The following APOBEC3H variants were observed in gnomAD, a reference collection of about 807,000 sequenced individuals.
APOBEC3H encodes DNA dC->dU-editing enzyme APOBEC-3H.
Under a neutral mutation model 21.2 loss-of-function variants are expected in APOBEC3H, and 8 were observed. That is an observed-to-expected ratio of 0.38 (90% confidence interval 0.22 to 0.68). APOBEC3H has a LOEUF of 0.68. APOBEC3H is among the 30% of genes least tolerant of loss of function. The pLI is 0.52. For synonymous variants in APOBEC3H, 88 were observed against 91.0 expected (o/e 0.97, Z 0.19); for missense variants, 229 against 228.1 (o/e 1.00, Z -0.03).
chr22:39,099,631 T>G (rs1020385300), intron 1 of APOBEC3H, among the ~76,000 whole-genome samples: 27 of 152,106 alleles, frequency 1.8e-4, no homozygotes, highest in Admixed American at 6.5e-5. Flanking sequence ...AGGCAGGGGA[T>G]CCCCACCCAA....
At chr22:39,098,281 G>T (rs1421403227) in intron 1 of APOBEC3H, among the ~76,000 whole-genome samples, 3 of 152,168 alleles carry the variant, frequency 2.0e-5, no homozygotes, top group African/African-American at 4.8e-5. Context: ...GTCTCAGTCT[G>T]TTGCCCAGGC....
chr22:39,102,368 TA>T (rs139304), intron 4 of APOBEC3H: 643,747 of 643,750 alleles, frequency 1, 321,872 homozygotes, highest in Middle Eastern at 1. Flanking sequence ...AGGCTGGTCT[TA>T]GAACTCTTGG....
At position 39,100,336 on chromosome 22, in the gene APOBEC3H, A is replaced by C. The variant is rs139620128; in HGVS notation, c.58A>C (p.Arg20=). The stretch of plus-strand genomic sequence containing the variant: ...ACAGTTTAACAACAAGCGCCGCCTC[A>C]GAAGGCCTTACTACCCGAGGAAGGC... ...RLQFNNKRRL[R]RPYYPRKALL... is the part of the protein sequence containing the mutation. Residue 20 remains arginine, a synonymous_variant, in exon 2 of 5, where the codon AGA becomes CGA. Transcript: ENST00000442487. 56 of 1,614,094 alleles carry C rather than the reference A, an allele frequency of 3.5e-5. No homozygotes were observed. In the African/African-American group the frequency reaches 7.1e-4, roughly 20 times the overall value.
chr22:39,103,158 T>C (rs1929469776), intron 4 of APOBEC3H, among the ~76,000 whole-genome samples: 1 of 151,644 alleles, frequency 6.6e-6, no homozygotes, highest in African/African-American at 2.4e-5. Context: ...CATGGTGGCA[T>C]GTGCCCGTGG....
rs1297117087 is a variant in APOBEC3H, at chr22:39,102,659, G to T, written c.543+617G>T. 8.6e-6 allele frequency: 6 copies of T among 694,982 alleles called. No individual in the cohort carries two copies. In the Admixed American group the frequency reaches 1.2e-4, roughly 14 times the overall value. The allele number at this position is 694,982 out of a possible 1,614,324, so 43.1% of individuals were successfully genotyped here. A position where few individuals can be genotyped will look rare whatever the true frequency, so the allele number is the denominator to read the frequency against. On this transcript the variant is annotated intron_variant, in intron 4 of 4. Transcript: ENST00000442487. Reference sequence around the variant, plus strand: ...ACCCTCTCTTCTTTTGGAGTCTCCAGCGTCTATTATTTACATCTTTATGTC... The same window carrying T: ...ACCCTCTCTTCTTTTGGAGTCTCCATCGTCTATTATTTACATCTTTATGTC...
chr22:39,103,793 G>T lies in APOBEC3H; in HGVS notation c.*96G>T. On this transcript the variant is annotated 3_prime_UTR_variant, in exon 5 of 5. Transcript: ENST00000442487. Reference sequence around the variant, plus strand: ...GCAACTCAAGATGACTTTCCCTGGGGCATGTCAGTTGCCTCATAGCCTGCT... The same window carrying T: ...GCAACTCAAGATGACTTTCCCTGGGTCATGTCAGTTGCCTCATAGCCTGCT... 1.3e-6 allele frequency: 2 copies of T among 1,499,640 alleles called. No individual in the cohort carries two copies. Among genetic ancestry groups the T allele is most frequent in the Admixed American group, 3.3e-5 (2 of 59,868 alleles). 92.9% of individuals were successfully genotyped at this position (1,499,640 alleles called of 1,614,324 possible). A position where few individuals can be genotyped will look rare whatever the true frequency, so the allele number is the denominator to read the frequency against.
In APOBEC3H at chr22:39,103,919, G is replaced by C; in HGVS notation, c.*222G>C. 1.7e-6 allele frequency: 1 copy of C among 590,862 alleles called. No homozygotes were observed. The allele number at this position is 590,862 out of a possible 1,614,324, so 36.6% of individuals were successfully genotyped here. A position where few individuals can be genotyped will look rare whatever the true frequency, so the allele number is the denominator to read the frequency against. On this transcript the variant is annotated 3_prime_UTR_variant, in exon 5 of 5. Transcript: ENST00000442487. The stretch of plus-strand genomic sequence containing the variant: ...CTTCCTTTCCTCCTTTTTCCATATT[G>C]CTTTCTGTTCTAAGTGGGTGAATAA...
rs746567012 is a variant in APOBEC3H, at chr22:39,101,408, G to A, written c.322G>A (p.Ala108Thr). 2.1e-5 allele frequency: 34 copies of A among 1,611,306 alleles called. No individual in the cohort carries two copies. The highest frequency in any genetic ancestry group is 2.7e-5 in the Non-Finnish European group (32 of 1,179,250). Reference protein sequence around the residue: ...AHDHLNLGIFASRLYYHWCKP... With the variant: ...AHDHLNLGIFTSRLYYHWCKP... Reference sequence around the variant, plus strand: ...CGACCATCTGAACCTGGGCATCTTCGCCTCCCGCCTGTACTACCACTGGTG... The same window carrying A: ...CGACCATCTGAACCTGGGCATCTTCACCTCCCGCCTGTACTACCACTGGTG... The change falls in exon 3 of 5, where the codon GCC becomes ACC. Residue 108 changes from alanine to threonine, a missense_variant. Coordinates refer to ENST00000442487, the MANE Select transcript of APOBEC3H (RefSeq NM_181773.5).
At chr22:39,097,563 C>G (rs916658600) in intron 1 of APOBEC3H, among the ~76,000 whole-genome samples, 1 of 152,196 alleles carries the variant, frequency 6.6e-6, no homozygotes, top group African/African-American at 2.4e-5. Context: ...CTGCACCAGC[C>G]CAAGACCCCT....
chr22:39,102,418 G>A, intron 4 of APOBEC3H: 1 of 704,654 alleles, frequency 1.4e-6, no homozygotes, highest in Non-Finnish European at 2.6e-6. Flanking sequence ...CCAAAGTGCT[G>A]GGATTACAGG....
Position 39,103,714 on chromosome 22 carries a change from A to C in APOBEC3H, c.*17A>C. ...CAGTCCTGAAGTGTGGATGTTTTAG[A>C]GAATGACTTAAGAAGTTTGCAGCTT... On this transcript the variant is annotated 3_prime_UTR_variant, in exon 5 of 5. Coordinates refer to ENST00000442487, the MANE Select transcript of APOBEC3H (RefSeq NM_181773.5). 2 of 1,614,026 alleles carry C rather than the reference A, an allele frequency of 1.2e-6. No individual in the cohort carries two copies. The highest frequency in any genetic ancestry group is 1.3e-5 in the African/African-American group (1 of 75,022).
chr22:39,099,085 C>A (rs1346303667), intron 1 of APOBEC3H, among the ~76,000 whole-genome samples: 1 of 152,092 alleles, frequency 6.6e-6, no homozygotes, highest in Non-Finnish European at 1.5e-5. Context: ...ATTCCAGCTA[C>A]TTGGGAGGCT....
At chr22:39,100,572 T>C (rs1237128072) in intron 2 of APOBEC3H, 144 bp downstream of exon 2, 11 of 1,184,690 alleles carry the variant, frequency 9.3e-6, no homozygotes, top group African/African-American at 1.5e-5. Context: ...GGTGCCTGCC[T>C]GGGTTTTGGC....
In APOBEC3H at chr22:39,100,412, G is replaced by A; in HGVS notation, c.134G>A (p.Gly45Asp). The A allele has an allele frequency of 6.2e-7, 1 of 1,613,598 alleles. No homozygotes were observed. Among genetic ancestry groups the A allele is most frequent in the Non-Finnish European group, 8.5e-7 (1 of 1,179,742 alleles). ...CAGAATGGCTCCACGCCCACGAGAG[G>A]CTACTTTGAAAACAAGGTGCCACAC... ...TPQNGSTPTR[G>D]YFENKKKCHA... is the part of the protein sequence containing the mutation. The change falls in exon 2 of 5, where the codon GGC (glycine) becomes GAC (aspartate). Residue 45 changes from glycine (G) to aspartate (D), a missense_variant. Coordinates refer to ENST00000442487, the MANE Select transcript of APOBEC3H (RefSeq NM_181773.5).
intron 3 of APOBEC3H, 99 bp downstream of exon 3, chr22:39,101,603 G>GGGGGGC: frequency 2.6e-6 from 1 of 384,210 alleles, no homozygotes; most frequent in Non-Finnish European, 4.5e-6. Flanking sequence ...GGAGGTTGGC[G>GGGGGGC]GGGGGCGGGG....
chr22:39,099,230 C>G (rs556592802), intron 1 of APOBEC3H, among the ~76,000 whole-genome samples: 11 of 152,186 alleles, frequency 7.2e-5, no homozygotes, highest in Admixed American at 4.6e-4. Flanking sequence ...AAAAAAAAAG[C>G]AAAATCCAAA....
chr22:39,102,722 C>T, intron 4 of APOBEC3H: 1 of 614,190 alleles, frequency 1.6e-6, no homozygotes. Flanking sequence ...ATTAACTCGG[C>T]CAGGCACAGT....
intron 2 of APOBEC3H, among the ~76,000 whole-genome samples, chr22:39,100,860 C>G (rs1231240287): frequency 6.6e-6 from 1 of 151,756 alleles, no homozygotes; most frequent in East Asian, 1.9e-4. Context: ...CTCACCTGCT[C>G]TTTAGGATCA....
chr22:39,103,292 AT>A (rs1473316124), intron 4 of APOBEC3H, among the ~76,000 whole-genome samples: 4 of 152,244 alleles, frequency 2.6e-5, no homozygotes, highest in African/African-American at 7.2e-5. Context: ...GCTTAAAAAA[AT>A]AATAATAACC....
Sources: gnomAD v4.1 joint callset for allele counts (sites outside exome capture counted in the v4.1 genomes callset) on GRCh38, gnomAD v4.1.1 for gene constraint, MANE v1.5 for transcripts, NCBI Gene and HGNC (gene_info 2026-07-23, HGNC 2026-07-21) for gene names.